AGPAT3: variants seen among roughly 807,000 people sequenced by gnomAD.
The protein encoded by AGPAT3 is 1-acylglycerol-3-phosphate O-acyltransferase 3, also known as 1-acyl-sn-glycerol-3-phosphate acyltransferase gamma.
AGPAT3 carries 5 observed loss-of-function variants against 47.3 expected under a neutral mutation model. That is an observed-to-expected ratio of 0.11 (90% CI 0.06 to 0.22). The LOEUF is 0.22. AGPAT3 is among the 10% of genes least tolerant of loss of function. The pLI, the probability that AGPAT3 is intolerant of heterozygous loss-of-function variation, is 1.00. For missense variants in AGPAT3, 315 were observed against 493.0 expected, an observed-to-expected ratio of 0.64 and a Z score of 3.42; for synonymous variants, 212 against 208.3, an observed-to-expected ratio of 1.02 and a Z score of -0.15.
At chr21:43,953,290 T>A (rs1000665354) in intron 2 of AGPAT3, among the ~76,000 whole-genome samples, 1 of 152,064 alleles carries the variant, frequency 6.6e-6, no homozygotes, top group Admixed American at 6.5e-5. Flanking sequence ...CTGGGGACAG[T>A]TGGTGAAATG....
chr21:43,970,715 G>A lies in AGPAT3; in HGVS notation c.573G>A (p.Val191=). 6.2e-7 allele frequency: 1 copy of A among 1,613,654 alleles called. No homozygotes were observed. The highest frequency in any genetic ancestry group is 8.5e-7 in the Non-Finnish European group (1 of 1,179,682). ...CCAAGCACCGCGTTAGCATGGAGGT[G>A]GCGGCTGCTAAGGGGCTTCCTGTCC... is the stretch of plus-strand genomic sequence containing the variant. ...TETKHRVSME[V]AAAKGLPVLK... The change falls in exon 6 of 10, where the codon GTG becomes GTA. Residue 191 remains valine, a synonymous_variant. Transcript: ENST00000291572. This position sits in a 1 kb window ranked among gnomAD's most constrained non-coding sequence, Gnocchi z 5.8.
intron 2 of AGPAT3, among the ~76,000 whole-genome samples, chr21:43,949,121 T>C (rs1371594902): frequency 2.0e-5 from 3 of 152,222 alleles, no homozygotes; most frequent in African/African-American, 4.8e-5. Flanking sequence ...AACTATAGAA[T>C]CAGTATGTCT....
chr21:43,955,139 A>C lies in AGPAT3; in HGVS notation c.-48-4495A>C. The C allele has an allele frequency of 7.8e-7, 1 of 1,277,384 alleles. No homozygotes were observed. Among genetic ancestry groups the C allele is most frequent in the Non-Finnish European group, 1.0e-6 (1 of 981,198 alleles). 79.1% of individuals were successfully genotyped at this position (1,277,384 alleles called of 1,614,324 possible). The stretch of plus-strand genomic sequence containing the variant: ...ATGCCGTGGGGGTCACTCAGCAGCC[A>C]CGGATGCGCCCTGGGTGCTGTCCCG... On this transcript the variant is annotated intron_variant, in intron 2 of 9. Coordinates refer to ENST00000291572, the MANE Select transcript of AGPAT3 (RefSeq NM_020132.5). This position sits in a 1 kb window ranked among gnomAD's most constrained non-coding sequence, Gnocchi z 4.1.
intron 1 of AGPAT3, among the ~76,000 whole-genome samples, chr21:43,893,184 T>C (rs1393155613): frequency 6.6e-6 from 1 of 152,218 alleles, no homozygotes; most frequent in Non-Finnish European, 1.5e-5. Flanking sequence ...AGCTTCTCCG[T>C]GGGCACCTAC....
chr21:43,970,647 T>C lies in AGPAT3; in HGVS notation c.511-6T>C, dbSNP rs758541307. The C allele has an allele frequency of 4.3e-6, 7 of 1,613,388 alleles. No individual in the cohort carries two copies. Among genetic ancestry groups the C allele is most frequent in the Admixed American group, 1.7e-5 (1 of 59,984 alleles). ...TGGAGTGACCCTGTCTCCGTGTTGATCCTAGTTTCTCCTGTACTGCGAGGG... is the reference window on the plus strand; with the variant it reads ...TGGAGTGACCCTGTCTCCGTGTTGACCCTAGTTTCTCCTGTACTGCGAGGG... On this transcript the variant is annotated splice_polypyrimidine_tract_variant and splice_region_variant and intron_variant, in intron 5 of 9. Coordinates refer to ENST00000291572, the MANE Select transcript of AGPAT3 (RefSeq NM_020132.5). The surrounding 1 kb of genome is among the most constrained non-coding windows in gnomAD (Gnocchi z 5.8).
At chr21:43,865,637 C>T (rs919555605) in intron 1 of AGPAT3, among the ~76,000 whole-genome samples, 2 of 150,888 alleles carry the variant, frequency 1.3e-5, no homozygotes, top group Non-Finnish European at 3.0e-5. Context: ...CCGCAGCAGC[C>T]TCGGTGGCGC....
At chr21:43,885,399 T>C (rs2085953225) in intron 1 of AGPAT3, among the ~76,000 whole-genome samples, 1 of 151,528 alleles carries the variant, frequency 6.6e-6, no homozygotes, top group East Asian at 1.9e-4. Context: ...TTCTTTTTTT[T>C]TTTTTTTGAG....
intron 2 of AGPAT3, among the ~76,000 whole-genome samples, chr21:43,928,895 C>G (rs1286930585): frequency 3.9e-5 from 6 of 152,198 alleles, no homozygotes; most frequent in Admixed American, 2.6e-4. Context: ...GGAGTTTGTG[C>G]CTTGGCCCCA....
chr21:43,868,077 A>G (rs1205796531), intron 1 of AGPAT3, among the ~76,000 whole-genome samples: 1 of 152,184 alleles, frequency 6.6e-6, no homozygotes, highest in Admixed American at 6.5e-5. Context: ...ACAAGCGGCC[A>G]TGTTTTGATT....
chr21:43,912,182 C>A (rs773110183), intron 2 of AGPAT3, among the ~76,000 whole-genome samples: 1 of 152,250 alleles, frequency 6.6e-6, no homozygotes, highest in African/African-American at 2.4e-5. Flanking sequence ...CACGTGGGCC[C>A]GAGCTGGATG....
chr21:43,961,325 G>A (rs2088825449), intron 3 of AGPAT3, among the ~76,000 whole-genome samples: 1 of 151,156 alleles, frequency 6.6e-6, no homozygotes, highest in Admixed American at 6.6e-5. Flanking sequence ...TGAGCGCATA[G>A]ACACTTTGTC....
Position 43,933,276 on chromosome 21 carries a change from C to T in AGPAT3, c.-48-26358C>T, listed in dbSNP as rs567104282. On this transcript the variant is annotated intron_variant, in intron 2 of 9. Coordinates refer to ENST00000291572, the MANE Select transcript of AGPAT3 (RefSeq NM_020132.5). The surrounding 1 kb of genome is among the most constrained non-coding windows in gnomAD (Gnocchi z 6.0). ...TGCTATTGAGTCTGAGCCCCTTTACCCTGTGGATGCTGGGCCTGCATCGGG... is the reference window on the plus strand; with the variant it reads ...TGCTATTGAGTCTGAGCCCCTTTACTCTGTGGATGCTGGGCCTGCATCGGG... Among the ~76,000 whole-genome samples, 28 of 152,180 alleles carry T rather than the reference C, an allele frequency of 1.8e-4. No homozygotes were observed. The highest frequency in any genetic ancestry group is 6.5e-4 in the African/African-American group (27 of 41,514).
chr21:43,962,295 C>T (rs1037816681), intron 3 of AGPAT3, among the ~76,000 whole-genome samples: 2 of 152,160 alleles, frequency 1.3e-5, no homozygotes, highest in Admixed American at 6.5e-5. Flanking sequence ...AGCCACCGCG[C>T]CCGGCCAGTT....
At chr21:43,959,368 G>T (rs1009494913) in intron 2 of AGPAT3, among the ~76,000 whole-genome samples, 1 of 146,262 alleles carries the variant, frequency 6.8e-6, no homozygotes. Flanking sequence ...TGGCATGTGT[G>T]GTTTGTGGTG....
At chr21:43,959,339 CG>C (rs1029705995) in intron 2 of AGPAT3, among the ~76,000 whole-genome samples, 3 of 81,074 alleles carry the variant, frequency 3.7e-5, no homozygotes, top group Non-Finnish European at 7.3e-5. Flanking sequence ...GTGTGTGTGG[CG>C]TGTGTGTGGT....
intron 2 of AGPAT3, among the ~76,000 whole-genome samples, chr21:43,924,655 C>T (rs2086996766): frequency 6.6e-6 from 1 of 152,228 alleles, no homozygotes; most frequent in African/African-American, 2.4e-5. Flanking sequence ...GGCTTCTGTC[C>T]TAGCTGTGGC....
intron 1 of AGPAT3, among the ~76,000 whole-genome samples, chr21:43,866,232 TC>T (rs1468016254): frequency 2.6e-5 from 4 of 151,128 alleles, no homozygotes; most frequent in Non-Finnish European, 4.4e-5. Flanking sequence ...AAAAGCTTTG[TC>T]TAGGAGAATA....
chr21:43,958,786 CAT>C (rs1181563282), intron 2 of AGPAT3, among the ~76,000 whole-genome samples: 8 of 103,384 alleles, frequency 7.7e-5, no homozygotes, highest in South Asian at 3.3e-4. Context: ...GTGTGTGTGG[CAT>C]ATGTGTGGTT....
intron 1 of AGPAT3, among the ~76,000 whole-genome samples, chr21:43,896,743 T>G (rs961704025): frequency 1.3e-5 from 2 of 152,240 alleles, no homozygotes; most frequent in Non-Finnish European, 2.9e-5. Context: ...AATTATCTTC[T>G]TACCTTTTTA....
Sources: allele counts gnomAD v4.1 joint callset (sites outside exome capture counted in the v4.1 genomes callset), GRCh38; gene constraint gnomAD v4.1.1; non-coding constraint Gnocchi (gnomAD v3.1); transcripts MANE v1.5; gene names NCBI Gene and HGNC (gene_info 2026-07-23, HGNC 2026-07-21).